Variants in DDR2 observed in about 807,000 individuals in gnomAD.
DDR2 encodes discoidin domain receptor tyrosine kinase 2.
A neutral mutation model predicts 94.9 loss-of-function variants in DDR2; 27 were observed. That is an observed-to-expected ratio of 0.28 (90% CI 0.21 to 0.39). The LOEUF is 0.39. DDR2 is among the 10% of genes least tolerant of loss of function. The pLI is 1.00. For synonymous variants in DDR2, 382 were observed against 377.2 expected, an observed-to-expected ratio of 1.01 and a Z score of -0.15; for missense variants, 783 against 1,076.0, an observed-to-expected ratio of 0.73 and a Z score of 3.81.
chr1:162,700,118 T>A (rs1224822070), intron 2 of DDR2, among the ~76,000 whole-genome samples: 1 of 152,260 alleles, frequency 6.6e-6, no homozygotes, highest in East Asian at 1.9e-4. Context: ...CAGAGGTGGA[T>A]GTCTAGCACA....
intron 1 of DDR2, among the ~76,000 whole-genome samples, chr1:162,640,893 G>A (rs1416483953): frequency 6.6e-6 from 1 of 151,006 alleles, no homozygotes; most frequent in African/African-American, 2.4e-5. Context: ...GACTAGCTGG[G>A]ACTATATGTG....
At chr1:162,757,746 A>C (rs1449507624) in intron 7 of DDR2, among the ~76,000 whole-genome samples, 2 of 152,178 alleles carry the variant, frequency 1.3e-5, no homozygotes, top group Non-Finnish European at 2.9e-5. Flanking sequence ...GGAGGCTATG[A>C]GGAACATTTT....
chr1:162,775,603 TTCTGAC>T (rs1186897067), intron 14 of DDR2, 43 bp from the exon 15 acceptor site: 1 of 1,601,746 alleles, frequency 6.2e-7, no homozygotes. Context: ...TCTCTCTTGA[TTCTGAC>T]TCTGGCAACT....
intron 2 of DDR2, among the ~76,000 whole-genome samples, chr1:162,658,852 A>ATAAATAAATAAAT (rs1553239829): frequency 6.6e-6 from 1 of 151,552 alleles, no homozygotes; most frequent in Non-Finnish European, 1.5e-5. Context: ...AAATAAATAA[A>ATAAATAAATAAAT]AGTTCTTCAA....
chr1:162,642,113 C>A (rs531478206), intron 1 of DDR2, among the ~76,000 whole-genome samples: 2 of 151,018 alleles, frequency 1.3e-5, no homozygotes, highest in South Asian at 2.1e-4. Flanking sequence ...ACCCACACCA[C>A]GCCCAGCTAA....
At chr1:162,759,497 C>A (rs1442461974) in intron 7 of DDR2, among the ~76,000 whole-genome samples, 1 of 152,034 alleles carries the variant, frequency 6.6e-6, no homozygotes, top group Non-Finnish European at 1.5e-5. Context: ...AGGCAAGGTG[C>A]AATAAATTAT....
In DDR2 at chr1:162,783,425, C is replaced by T. The variant is rs917776458; in HGVS notation, c.*3179C>T. The T allele has an allele frequency of 1.3e-5, 2 of 151,854 alleles. No homozygotes were observed. The highest frequency in any genetic ancestry group is 4.8e-5 in the African/African-American group (2 of 41,312). The allele number at this position is 151,854 out of a possible 1,614,324, so 9.4% of individuals were successfully genotyped here. Reference sequence around the variant, plus strand: ...AAAGGATACGTGAATGTGCATATGACTGAATAGGGAGGAAGGTCAGGGCTA... The same window carrying T: ...AAAGGATACGTGAATGTGCATATGATTGAATAGGGAGGAAGGTCAGGGCTA... On this transcript the variant is annotated 3_prime_UTR_variant, in exon 18 of 18. Transcript: ENST00000367921.
rs1288490833 is a variant in DDR2, at chr1:162,781,108, A to T, written c.*862A>T. ...GTTCTCTTCTTTGTCTTGTTCAGAT[A>T]TTTTCATGTGTGTGTTTTAGTGAGA... On this transcript the variant is annotated 3_prime_UTR_variant, in exon 18 of 18. Coordinates refer to ENST00000367921, the MANE Select transcript of DDR2 (RefSeq NM_006182.4). The T allele has an allele frequency of 2.0e-5, 3 of 152,120 alleles. No homozygotes were observed. Among genetic ancestry groups the T allele is most frequent in the African/African-American group, 4.8e-5 (2 of 41,444 alleles). 9.4% of individuals were successfully genotyped at this position (152,120 alleles called of 1,614,324 possible).
chr1:162,748,309 C>T (rs867390874), intron 3 of DDR2, among the ~76,000 whole-genome samples: 4 of 151,960 alleles, frequency 2.6e-5, no homozygotes, highest in African/African-American at 9.7e-5. Flanking sequence ...GAGGAAGATC[C>T]ACCAAGCAAA....
chr1:162,738,105 A>G (rs1662407418), intron 3 of DDR2, among the ~76,000 whole-genome samples: 2 of 147,778 alleles, frequency 1.4e-5, no homozygotes, highest in Admixed American at 1.4e-4. Flanking sequence ...AGTTCTGGCC[A>G]GGGCAATCAG....
chr1:162,660,368 T>C (rs1169603161), intron 2 of DDR2, among the ~76,000 whole-genome samples: 1 of 100,172 alleles, frequency 1.0e-5, no homozygotes, highest in Non-Finnish European at 2.2e-5. Context: ...CCCCCCGTAC[T>C]TATGTTCTGC....
Position 162,759,937 on chromosome 1 carries a change from C to T in DDR2, c.813C>T (p.Ile271=), listed in dbSNP as rs753905400. The T allele has an allele frequency of 6.2e-7, 1 of 1,614,088 alleles. No homozygotes were observed. The highest frequency in any genetic ancestry group is 8.5e-7 in the Non-Finnish European group (1 of 1,180,012). The change falls in exon 8 of 18, where the codon ATC becomes ATT. Residue 271 remains isoleucine (I), a synonymous_variant. Transcript: ENST00000367921. The stretch of plus-strand genomic sequence containing the variant: ...GTGCCACCAATGGCTACATTGAGAT[C>T]ATGTTTGAATTTGACCGCATCAGGA... The part of the protein sequence containing the change: ...NESATNGYIE[I]MFEFDRIRNF...
Position 162,773,521 on chromosome 1 carries a change from C to G in DDR2, c.1781C>G (p.Ala594Gly), listed in dbSNP as rs1256586551. The G allele has an allele frequency of 6.8e-6, 11 of 1,613,984 alleles. No individual in the cohort carries two copies. The highest frequency in any genetic ancestry group is 1.6e-4 in the Middle Eastern group (1 of 6,062). The change falls in exon 14 of 18, where the codon GCC becomes GGC. Residue 594 changes from alanine to glycine, a missense_variant. Coordinates refer to ENST00000367921, the MANE Select transcript of DDR2 (RefSeq NM_006182.4). ...GAAAAATTCAAAGACAAAGATTTTG[C>G]CCTAGATGTCAGTGCCAACCAGCCT... ...GMEKFKDKDFALDVSANQPVL... is the reference protein window; with the variant it reads ...GMEKFKDKDFGLDVSANQPVL...
At chr1:162,723,713 T>C (rs1307969881) in intron 3 of DDR2, among the ~76,000 whole-genome samples, 2 of 152,156 alleles carry the variant, frequency 1.3e-5, no homozygotes, top group Admixed American at 6.5e-5. Context: ...AAACATCTCT[T>C]CTTCTCAGCA....
chr1:162,676,783 G>A (rs745855246), intron 2 of DDR2, among the ~76,000 whole-genome samples: 3 of 152,150 alleles, frequency 2.0e-5, no homozygotes, highest in Non-Finnish European at 4.4e-5. Flanking sequence ...CACAGATGAC[G>A]GAAGTGAGGC....
intron 11 of DDR2, among the ~76,000 whole-genome samples, chr1:162,768,531 C>A (rs533679739): frequency 1.3e-5 from 2 of 152,084 alleles, no homozygotes; most frequent in Admixed American, 1.3e-4. Context: ...ACCTCTATTC[C>A]AGAGGAGAGG....
intron 2 of DDR2, among the ~76,000 whole-genome samples, chr1:162,681,886 G>A (rs961476317): frequency 5.3e-5 from 8 of 152,190 alleles, no homozygotes; most frequent in Admixed American, 4.6e-4. Flanking sequence ...CACAGCAGAA[G>A]GGAGCCATTA....
rs114987486 is a variant in DDR2, at chr1:162,723,512, G to A, written c.82+4367G>A. ...TGTTTCAGTGGTTAGTGGGGAACTG[G>A]CACCTTACGTTTTTCCAGGTAGGAG... On this transcript the variant is annotated intron_variant, in intron 3 of 17. Coordinates refer to ENST00000367921, the MANE Select transcript of DDR2 (RefSeq NM_006182.4). Among the ~76,000 whole-genome samples, 881 of 152,266 alleles carry A rather than the reference G, an allele frequency of 5.8e-3. 12 individuals are homozygous for A. Among genetic ancestry groups the A allele is most frequent in the African/African-American group, 0.02 (816 of 41,546 alleles).
Position 162,783,451 on chromosome 1 carries a change from G to C in DDR2, c.*3205G>C, listed in dbSNP as rs1648013002. Reference sequence around the variant, plus strand: ...TGAATAGGGAGGAAGGTCAGGGCTAGAAAGGAGGCTACATAAAAAGGGGCA... The same window carrying C: ...TGAATAGGGAGGAAGGTCAGGGCTACAAAGGAGGCTACATAAAAAGGGGCA... On this transcript the variant is annotated 3_prime_UTR_variant, in exon 18 of 18. Coordinates refer to ENST00000367921, the MANE Select transcript of DDR2 (RefSeq NM_006182.4). 1.3e-5 allele frequency: 2 copies of C among 152,138 alleles called. No individual in the cohort carries two copies. Among genetic ancestry groups the C allele is most frequent in the African/African-American group, 4.8e-5 (2 of 41,420 alleles). The allele number at this position is 152,138 out of a possible 1,614,324, so 9.4% of individuals were successfully genotyped here. A position where few individuals can be genotyped will look rare whatever the true frequency, so the allele number is the denominator to read the frequency against.
Sources: allele counts gnomAD v4.1 joint callset (sites outside exome capture counted in the v4.1 genomes callset), GRCh38; gene constraint gnomAD v4.1.1; transcripts MANE v1.5; gene names NCBI Gene and HGNC (gene_info 2026-07-23, HGNC 2026-07-21).